The following RARB variants were observed in gnomAD, a reference collection of about 807,000 sequenced individuals.
RARB encodes retinoic acid receptor beta, also known as HBV-activated protein.
In RARB, 17 loss-of-function variants were observed where a neutral mutation model predicts 51.9. That is an observed-to-expected ratio of 0.33 (90% CI 0.22 to 0.49). The LOEUF is 0.49. RARB is among the 20% of genes least tolerant of loss of function. RARB has a pLI of 0.99. For missense variants in RARB, 369 were observed against 550.8 expected, an observed-to-expected ratio of 0.67 and a Z score of 3.30; for synonymous variants, 215 against 195.4, an observed-to-expected ratio of 1.10 and a Z score of -0.84.
intron 2 of RARB, among the ~76,000 whole-genome samples, chr3:24,895,270 A>G (rs1160915633): frequency 6.6e-6 from 1 of 152,220 alleles, no homozygotes; most frequent in African/African-American, 2.4e-5. Context: ...TTTGGTCAAT[A>G]TATTTAGTTT....
chr3:24,879,940 C>G (rs1490415022), intron 2 of RARB, among the ~76,000 whole-genome samples: 1 of 146,830 alleles, frequency 6.8e-6, no homozygotes, highest in Admixed American at 6.7e-5. Flanking sequence ...TTGCAAAGTT[C>G]TTGAGTTTTG....
At chr3:25,129,621 C>T (rs1699913499) in intron 3 of RARB, among the ~76,000 whole-genome samples, 1 of 151,898 alleles carries the variant, frequency 6.6e-6, no homozygotes, top group African/African-American at 2.4e-5. Context: ...CAGAGTATGA[C>T]TCATCTCTAT....
chr3:25,093,793 G>A (rs999982656), intron 3 of RARB, among the ~76,000 whole-genome samples: 1 of 152,040 alleles, frequency 6.6e-6, no homozygotes. Context: ...AAGCTCACAT[G>A]AGGACGATTT....
intron 5 of RARB, among the ~76,000 whole-genome samples, chr3:25,209,716 AT>A (rs1215291790): frequency 6.6e-6 from 1 of 152,010 alleles, no homozygotes. Context: ...CCCTGCCACC[AT>A]GTCACTTTGA....
chr3:25,170,639 T>A (rs1466715778), intron 4 of RARB, among the ~76,000 whole-genome samples: 1 of 152,146 alleles, frequency 6.6e-6, no homozygotes, highest in Non-Finnish European at 1.5e-5. Context: ...ACATGCAAAT[T>A]TGAGCTAAAC....
At chr3:25,284,091 A>G (rs1354784814) in intron 5 of RARB, among the ~76,000 whole-genome samples, 1 of 152,180 alleles carries the variant, frequency 6.6e-6, no homozygotes, top group Admixed American at 6.5e-5. Context: ...TGCATTGATG[A>G]AGTAAACTGC....
chr3:25,107,385 TAATA>T (rs1294556100), intron 3 of RARB, among the ~76,000 whole-genome samples: 2 of 152,222 alleles, frequency 1.3e-5, no homozygotes, highest in Non-Finnish European at 2.9e-5. Flanking sequence ...GGCCTTTCAT[TAATA>T]AATCTATGTA....
At chr3:25,425,014 G>C (rs1031183270), upstream of RARB, among the ~76,000 whole-genome samples, 29 of 152,158 alleles carry the variant, frequency 1.9e-4, no homozygotes, top group African/African-American at 7.0e-4. Flanking sequence ...TACTCTCAAA[G>C]TTTTGCTTTT....
intron 5 of RARB, among the ~76,000 whole-genome samples, chr3:25,208,208 G>C (rs1163802560): frequency 6.6e-6 from 1 of 152,136 alleles, no homozygotes; most frequent in Non-Finnish European, 1.5e-5. Flanking sequence ...CTCAACTGAA[G>C]ATTTGGAGGG....
chr3:25,514,573 T>C (rs1206734451), intron 3 of RARB, among the ~76,000 whole-genome samples: 4 of 152,208 alleles, frequency 2.6e-5, no homozygotes, highest in South Asian at 4.1e-4. Context: ...TTTATTGATA[T>C]TGGAAAATGC....
At chr3:25,370,175 G>C (rs1479910643) in intron 5 of RARB, among the ~76,000 whole-genome samples, 1 of 152,042 alleles carries the variant, frequency 6.6e-6, no homozygotes, top group Non-Finnish European at 1.5e-5. Context: ...TTGTATATAA[G>C]ATTTACAAGG....
intron 5 of RARB, 100 bp downstream of exon 5, chr3:25,580,822 G>C (rs1379958885): frequency 1.5e-6 from 2 of 1,331,856 alleles, no homozygotes; most frequent in African/African-American, 1.5e-5. Context: ...TCCAGAGGAG[G>C]TTTTGAGTTT....
At chr3:25,474,748 T>C (rs1695870285) in intron 2 of RARB, among the ~76,000 whole-genome samples, 1 of 152,214 alleles carries the variant, frequency 6.6e-6, no homozygotes, top group Non-Finnish European at 1.5e-5. Context: ...AATTAAGTGA[T>C]TCTGCTAATT....
chr3:25,117,998 C>G (rs1699719407), intron 3 of RARB, among the ~76,000 whole-genome samples: 1 of 152,136 alleles, frequency 6.6e-6, no homozygotes, highest in South Asian at 2.1e-4. Flanking sequence ...AAAGAAGTGT[C>G]ACATATTTGA....
chr3:24,854,390 A>T (rs1702606376), intron 1 of RARB, among the ~76,000 whole-genome samples: 1 of 152,240 alleles, frequency 6.6e-6, no homozygotes, highest in Admixed American at 6.5e-5. Context: ...TAGAAACTTG[A>T]GTGACTATAC....
intron 2 of RARB, among the ~76,000 whole-genome samples, chr3:24,957,937 A>G (rs1236354463): frequency 6.6e-6 from 1 of 152,248 alleles, no homozygotes; most frequent in East Asian, 1.9e-4. Context: ...GTAAAATACA[A>G]CCAACAGTTA....
chr3:25,442,116 TTTTA>T (rs148774111), intron 1 of RARB, among the ~76,000 whole-genome samples: 51,263 of 147,476 alleles, frequency 0.35, 9,414 homozygotes, highest in Middle Eastern at 0.53. Context: ...TTTATTTTAT[TTTTA>T]TTTATTTATT....
At chr3:25,559,595 CAA>C (rs1264776396) in intron 3 of RARB, among the ~76,000 whole-genome samples, 3 of 152,112 alleles carry the variant, frequency 2.0e-5, no homozygotes, top group Non-Finnish European at 4.4e-5. Flanking sequence ...TAATGGCAAA[CAA>C]AGTGTAAGTG....
chr3:25,017,244 T>C (rs1014843880), intron 2 of RARB, among the ~76,000 whole-genome samples: 12 of 129,990 alleles, frequency 9.2e-5, no homozygotes, highest in Admixed American at 5.9e-4. Flanking sequence ...AACCCCCAAA[T>C]CTCTAAGAAG....
Sources: allele counts gnomAD v4.1 joint callset (sites outside exome capture counted in the v4.1 genomes callset), GRCh38; gene constraint gnomAD v4.1.1; transcripts MANE v1.5; gene names NCBI Gene and HGNC (gene_info 2026-07-23, HGNC 2026-07-21).